Variants in C3orf18 observed in about 807,000 individuals in gnomAD.
C3orf18 encodes uncharacterized protein C3orf18.
In C3orf18, 12 loss-of-function variants were observed where a neutral mutation model predicts 14.1. That is an observed-to-expected ratio of 0.85 (90% CI 0.55 to 1.38). C3orf18 has a LOEUF of 1.38. Ranked by LOEUF, C3orf18 falls within the 40% of genes most tolerant of loss-of-function variation. C3orf18 has a pLI of 0.00. For synonymous variants in C3orf18, 82 were observed against 87.9 expected (o/e 0.93, Z 0.38); for missense variants, 196 against 213.9 (o/e 0.92, Z 0.52).
chr3:50,565,700 G>A lies in C3orf18; in HGVS notation c.-1C>T. On this transcript the variant is annotated 5_prime_UTR_variant, in exon 3 of 6. Coordinates refer to ENST00000357203, the MANE Select transcript of C3orf18 (RefSeq NM_016210.5). This position sits in a 1 kb window ranked among gnomAD's most constrained non-coding sequence, Gnocchi z 4.4. Reference sequence around the variant, plus strand: ...TAGCAGATGCGGTCCTGGAGTTCATGCTGATGCGGAGAGGGCCCTGGCTGA... The same window carrying A: ...TAGCAGATGCGGTCCTGGAGTTCATACTGATGCGGAGAGGGCCCTGGCTGA... 6.2e-7 allele frequency: 1 copy of A among 1,606,764 alleles called. No homozygotes were observed. Among genetic ancestry groups the A allele is most frequent in the Non-Finnish European group, 8.5e-7 (1 of 1,178,302 alleles).
In C3orf18 at chr3:50,562,684, G is replaced by A. The variant is rs1026604959; in HGVS notation, c.235-937C>T. ...GCAAGGCCCTGAGCTGGTGGTCTCC[G>A]GAGTTCCTATGGGAGGCTGACGGCC... On this transcript the variant is annotated intron_variant, in intron 3 of 5. Coordinates refer to ENST00000357203, the MANE Select transcript of C3orf18 (RefSeq NM_016210.5). 7 of 375,638 alleles carry A rather than the reference G, an allele frequency of 1.9e-5. No homozygotes were observed. In the East Asian group the frequency reaches 2.2e-4, roughly 12 times the overall value. The allele number at this position is 375,638 out of a possible 1,614,324, so 23.3% of individuals were successfully genotyped here. A position where few individuals can be genotyped will look rare whatever the true frequency, so the allele number is the denominator to read the frequency against.
At chr3:50,568,822 C>T (rs1370193208), upstream of C3orf18, among the ~76,000 whole-genome samples, 2 of 151,942 alleles carry the variant, frequency 1.3e-5, no homozygotes, top group South Asian at 2.1e-4. Flanking sequence ...TGACAAGACA[C>T]ACTTTGCGAG....
chr3:50,569,888 G>A (rs1700718387), upstream of C3orf18: 1 of 151,844 alleles, frequency 6.6e-6, no homozygotes, highest in Non-Finnish European at 1.5e-5. Context: ...AGGCTGGAGT[G>A]CAGTGGCATG....
Position 50,559,529 on chromosome 3 carries a change from A to AC in C3orf18, c.*127dup, listed in dbSNP as rs775534357. The AC allele has an allele frequency of 3.5e-5, 50 of 1,438,060 alleles. No individual in the cohort carries two copies. The highest frequency in any genetic ancestry group is 4.6e-5 in the Non-Finnish European group (50 of 1,091,864). The allele number at this position is 1,438,060 out of a possible 1,614,324, so 89.1% of individuals were successfully genotyped here. A position where few individuals can be genotyped will look rare whatever the true frequency, so the allele number is the denominator to read the frequency against. ...CAGGTGGGTCTGGAGAACAGCTAGG[A>AC]CCTGGCTCAGCCCTCTTGTGTCTTG... On this transcript the variant is annotated 3_prime_UTR_variant, in exon 6 of 6. Coordinates refer to ENST00000357203, the MANE Select transcript of C3orf18 (RefSeq NM_016210.5).
At position 50,561,035 on chromosome 3, in the gene C3orf18, G is replaced by C; in HGVS notation, c.290C>G (p.Pro97Arg). The C allele has an allele frequency of 6.2e-7, 1 of 1,614,170 alleles. No homozygotes were observed. The highest frequency in any genetic ancestry group is 8.5e-7 in the Non-Finnish European group (1 of 1,179,996). ...RLEKLRHQLM[P>R]MYNFDPTEEQ... ...CTCCGTGGGGTCGAAGTTGTACATG[G>C]GCATGAGCTGGTGGCGTAGCTTCTC... Residue 97 changes from proline (P) to arginine (R), a missense_variant, in exon 5 of 6, where the codon CCC (proline) becomes CGC (arginine). By Grantham distance (103) the Pro-to-Arg change is moderately radical. Coordinates refer to ENST00000357203, the MANE Select transcript of C3orf18 (RefSeq NM_016210.5).
chr3:50,573,424 G>A (rs918964875), upstream of C3orf18, among the ~76,000 whole-genome samples: 12 of 152,308 alleles, frequency 7.9e-5, no homozygotes, highest in African/African-American at 2.9e-4. Context: ...TGCTGTCTCC[G>A]GCTTCCCAGG....
chr3:50,569,979 T>A (rs1700739959), upstream of C3orf18: 1 of 152,248 alleles, frequency 6.6e-6, no homozygotes, highest in Non-Finnish European at 1.5e-5. Context: ...TAGCTGGGAC[T>A]ACAGGTGCGC....
At chr3:50,570,758 ATG>A (rs1320031399), upstream of C3orf18, 1 of 200,162 alleles carries the variant, frequency 5.0e-6, no homozygotes, top group Non-Finnish European at 1.0e-5. Flanking sequence ...CCAGCTAAAA[ATG>A]TGAAGAAAAC....
upstream of C3orf18, chr3:50,571,228 A>T: frequency 6.2e-7 from 1 of 1,613,942 alleles, no homozygotes; most frequent in South Asian, 1.1e-5. Flanking sequence ...ATCCAGTGCC[A>T]TAGAACTGGT....
chr3:50,565,603 CGG>C lies in C3orf18; in HGVS notation c.95_96del (p.Ser32Ter). 6.2e-7 allele frequency: 1 copy of C among 1,613,900 alleles called. No individual in the cohort carries two copies. The highest frequency in any genetic ancestry group is 8.5e-7 in the Non-Finnish European group (1 of 1,180,012). On this transcript the variant is annotated frameshift_variant, in exon 3 of 6. Coordinates refer to ENST00000357203, the MANE Select transcript of C3orf18 (RefSeq NM_016210.5). LOFTEE classifies it high-confidence loss of function. This position sits in a 1 kb window ranked among gnomAD's most constrained non-coding sequence, Gnocchi z 4.4. ...DLEPATDGPA[S>X]ETTTLSPEAT... ...GCCTCTGGGCTGAGGGTAGTGGTCTCGGAGGCTGGCCCATCTGTGGCAGGTTC... is the reference window on the plus strand; with the variant it reads ...GCCTCTGGGCTGAGGGTAGTGGTCTCAGGCTGGCCCATCTGTGGCAGGTTC...
chr3:50,571,446 C>A, upstream of C3orf18: 1 of 803,204 alleles, frequency 1.2e-6, no homozygotes, highest in South Asian at 1.8e-5. Context: ...TGGGATTTTT[C>A]TGAAGGAACG....
chr3:50,561,800 C>A (rs1294536842), intron 3 of C3orf18, 53 bp from the exon 4 acceptor site: 1 of 1,602,676 alleles, frequency 6.2e-7, no homozygotes, highest in Non-Finnish European at 8.5e-7. Context: ...CCTGAGGAAC[C>A]CAGCAGCCCT....
chr3:50,564,379 C>T (rs1191185390), intron 3 of C3orf18, among the ~76,000 whole-genome samples: 2 of 152,244 alleles, frequency 1.3e-5, no homozygotes, highest in Non-Finnish European at 2.9e-5. Flanking sequence ...AGAGGCATCA[C>T]ACTCACTACT....
At position 50,559,292 on chromosome 3, in the gene C3orf18, C is replaced by A. The variant is rs529051315; in HGVS notation, c.*365G>T. On this transcript the variant is annotated 3_prime_UTR_variant, in exon 6 of 6. Transcript: ENST00000357203. Reference sequence around the variant, plus strand: ...GAGGGAAACCTCCCCTTTCCTCCCCCAATCCCTCCCACTCCGTATCTCCCT... The same window carrying A: ...GAGGGAAACCTCCCCTTTCCTCCCCAAATCCCTCCCACTCCGTATCTCCCT... 1.6e-6 allele frequency: 2 copies of A among 1,247,026 alleles called. No individual in the cohort carries two copies. The highest frequency in any genetic ancestry group is 5.1e-5 in the East Asian group (1 of 19,464). 77.2% of individuals were successfully genotyped at this position (1,247,026 alleles called of 1,614,324 possible).
intron 1 of C3orf18, among the ~76,000 whole-genome samples, chr3:50,566,790 T>C (rs1185252294): frequency 6.6e-6 from 1 of 152,098 alleles, no homozygotes; most frequent in African/African-American, 2.4e-5. Flanking sequence ...CCAGTGTGGG[T>C]GCCTTCTCTT....
chr3:50,561,177 C>T (rs1054139480), intron 4 of C3orf18, 113 bp from the exon 5 acceptor site: 3 of 1,184,418 alleles, frequency 2.5e-6, no homozygotes, highest in Non-Finnish European at 3.6e-6. Flanking sequence ...ATGCTTAGGG[C>T]CTTAAGGTTT....
rs1429174953 is a variant in C3orf18 at position 50,561,738 on chromosome 3, T to C, written c.244A>G (p.Ile82Val). The C allele has an allele frequency of 6.2e-7, 1 of 1,613,774 alleles. No individual in the cohort carries two copies. Among genetic ancestry groups the C allele is most frequent in the Non-Finnish European group, 8.5e-7 (1 of 1,180,020 alleles). ...IGLAVALVLY[I>V]RKKKRLEKLR... ...GGGAATTACCTCTTCTTCTTCCTGA[T>C]GTACAAAACCTGCAAGAGAAGGAGC... The change falls in exon 4 of 6, where the codon ATC (isoleucine) becomes GTC (valine). Residue 82 changes from isoleucine (I) to valine (V), a missense_variant. Coordinates refer to ENST00000357203, the MANE Select transcript of C3orf18 (RefSeq NM_016210.5).
In C3orf18 at chr3:50,559,727, G is replaced by C. The variant is rs756662467; in HGVS notation, c.419C>G (p.Pro140Arg). 9.5e-5 allele frequency: 151 copies of C among 1,588,384 alleles called. No homozygotes were observed. In the Admixed American group the frequency reaches 2.6e-3, roughly 28 times the overall value. The change falls in exon 6 of 6, where the codon CCC becomes CGC. Residue 140 changes from proline to arginine, a missense_variant. Transcript: ENST00000357203. ...VQAMQGKTTL[P>R]SQGPLQRPSR... ...GGGTCTCTGCAGTGGGCCCTGGGAGGGCAGAGTAGTCTGCAGGAAGACAGG... is the reference window on the plus strand; with the variant it reads ...GGGTCTCTGCAGTGGGCCCTGGGAGCGCAGAGTAGTCTGCAGGAAGACAGG...
Position 50,559,407 on chromosome 3 carries a change from A to C in C3orf18, c.*250T>G. 1 of 1,377,572 alleles carries C rather than the reference A, an allele frequency of 7.3e-7. No individual in the cohort carries two copies. Among genetic ancestry groups the C allele is most frequent in the Non-Finnish European group, 9.4e-7 (1 of 1,063,680 alleles). 85.3% of individuals were successfully genotyped at this position (1,377,572 alleles called of 1,614,324 possible). ...AGCAGAGGCTCTTGACCTTCTCAGCATGAGGGATGCCCTCTGTGCCAGGGC... is the reference window on the plus strand; with the variant it reads ...AGCAGAGGCTCTTGACCTTCTCAGCCTGAGGGATGCCCTCTGTGCCAGGGC... On this transcript the variant is annotated 3_prime_UTR_variant, in exon 6 of 6. Transcript: ENST00000357203.
Sources: gnomAD v4.1 joint callset for allele counts (sites outside exome capture counted in the v4.1 genomes callset) on GRCh38, gnomAD v4.1.1 for gene constraint, Gnocchi (gnomAD v3.1) non-coding constraint, MANE v1.5 for transcripts, NCBI Gene and HGNC (gene_info 2026-07-23, HGNC 2026-07-21) for gene names.